The following CHRNA7 variants were observed in gnomAD, a reference collection of about 807,000 sequenced individuals.
CHRNA7 encodes neuronal acetylcholine receptor subunit alpha-7.
CHRNA7 carries 17 observed loss-of-function variants against 48.0 expected under a neutral mutation model. The observed-to-expected ratio is 0.35, with a 90% confidence interval of 0.24 to 0.53. The LOEUF (loss-of-function observed/expected upper bound fraction) is 0.53. CHRNA7 is among the 20% of genes least tolerant of loss of function. The pLI, the probability that CHRNA7 is intolerant of heterozygous loss-of-function variation, is 0.92. For missense variants in CHRNA7, 155 were observed against 577.7 expected (o/e 0.27, Z 7.50); for synonymous variants, 75 against 242.3 (o/e 0.31, Z 6.41).
chr15:32,150,946 A>C (rs2051614055), intron 4 of CHRNA7, among the ~76,000 whole-genome samples: 1 of 151,020 alleles, frequency 6.6e-6, no homozygotes, highest in Admixed American at 6.6e-5. Context: ...TTTGGAAGTA[A>C]GGGGGGGGGA....
chr15:32,044,968 G>A (rs1028503895), intron 2 of CHRNA7, among the ~76,000 whole-genome samples: 1 of 152,146 alleles, frequency 6.6e-6, no homozygotes, highest in Non-Finnish European at 1.5e-5. Flanking sequence ...GTTTTCTGTT[G>A]ACATATATTC....
At chr15:32,137,338 C>A (rs112073908) in intron 4 of CHRNA7, among the ~76,000 whole-genome samples, 5 of 51,360 alleles carry the variant, frequency 9.7e-5, no homozygotes, top group Admixed American at 3.9e-4. Context: ...TTACAACACC[C>A]CCCCCCCACA....
chr15:32,081,424 TA>T (rs2050213717), intron 2 of CHRNA7, among the ~76,000 whole-genome samples: 1 of 152,238 alleles, frequency 6.6e-6, no homozygotes, highest in South Asian at 2.1e-4. Flanking sequence ...TTTTATATTT[TA>T]CCTGCTTTCC....
chr15:32,042,001 T>C lies in CHRNA7; in HGVS notation c.195+10964T>C, dbSNP rs370732519. 6.7e-4 allele frequency among the ~76,000 whole-genome samples: 102 copies of C among 152,382 alleles called. No homozygotes were observed. The South Asian group carries it at 0.02, about 30-fold the overall frequency. ...CCAATACTGCTGCTATGTCTGGTAC[T>C]AATGCATGTTCTGTCTCTTCAAATT... On this transcript the variant is annotated intron_variant, in intron 2 of 9. Coordinates refer to ENST00000306901, the MANE Select transcript of CHRNA7 (RefSeq NM_000746.6).
At position 32,041,205 on chromosome 15, in the gene CHRNA7, T is replaced by A. The variant is rs1213759922; in HGVS notation, c.195+10168T>A. Among the ~76,000 whole-genome samples the A allele has an allele frequency of 3.3e-5, 5 of 152,240 alleles. No individual in the cohort carries two copies. The East Asian group carries it at 9.6e-4, about 29-fold the overall frequency. The stretch of plus-strand genomic sequence containing the variant: ...GGATGTGTGGTTTGGTGTTTGACAC[T>A]AATTTGGGGAAATTCTCAATCATTG... On this transcript the variant is annotated intron_variant, in intron 2 of 9. Transcript: ENST00000306901.
At chr15:32,131,816 A>G (rs2051161809) in intron 4 of CHRNA7, among the ~76,000 whole-genome samples, 1 of 151,898 alleles carries the variant, frequency 6.6e-6, no homozygotes, top group Non-Finnish European at 1.5e-5. Context: ...TTTTCACTAG[A>G]CCTCCTCTGA....
intron 2 of CHRNA7, among the ~76,000 whole-genome samples, chr15:32,043,000 A>G (rs974139162): frequency 2.8e-4 from 43 of 152,356 alleles, no homozygotes; most frequent in African/African-American, 1.0e-3. Context: ...GCATTCTGGC[A>G]GAGTTCATGC....
chr15:32,037,015 G>C (rs1902123584), intron 2 of CHRNA7, among the ~76,000 whole-genome samples: 1 of 152,054 alleles, frequency 6.6e-6, no homozygotes, highest in Non-Finnish European at 1.5e-5. Flanking sequence ...AATATCCAAG[G>C]TCATACAGGT....
chr15:32,040,938 C>G (rs893006918), intron 2 of CHRNA7, among the ~76,000 whole-genome samples: 2 of 151,772 alleles, frequency 1.3e-5, no homozygotes, highest in African/African-American at 2.4e-5. Flanking sequence ...TTCAATAATT[C>G]TAGATTTGTG....
chr15:32,068,339 TACTTTATCAGATTGC>T (rs2049998973), intron 2 of CHRNA7, among the ~76,000 whole-genome samples: 1 of 152,084 alleles, frequency 6.6e-6, no homozygotes, highest in Non-Finnish European at 1.5e-5. Context: ...CTGTAAATTC[TACTTTATCAGATTGC>T]ACATGGAAGT....
At chr15:32,034,522 A>T (rs1387317882) in intron 2 of CHRNA7, among the ~76,000 whole-genome samples, 1 of 152,068 alleles carries the variant, frequency 6.6e-6, no homozygotes, top group Non-Finnish European at 1.5e-5. Context: ...GAGTGTGGGG[A>T]CAGTAAGGTT....
intron 2 of CHRNA7, among the ~76,000 whole-genome samples, chr15:32,084,854 C>T (rs1326466039): frequency 8.3e-5 from 12 of 144,070 alleles, no homozygotes; most frequent in South Asian, 6.5e-4. Context: ...TTTTTTGAGA[C>T]GGAATTCTGC....
At chr15:32,088,720 ATCT>A (rs766688333) in intron 2 of CHRNA7, among the ~76,000 whole-genome samples, 2 of 152,154 alleles carry the variant, frequency 1.3e-5, no homozygotes, top group Non-Finnish European at 2.9e-5. Context: ...TTATCTGTAC[ATCT>A]TCTTTGGTGA....
intron 2 of CHRNA7, among the ~76,000 whole-genome samples, chr15:32,094,723 C>T (rs977819469): frequency 1.3e-5 from 2 of 151,282 alleles, no homozygotes; most frequent in African/African-American, 2.4e-5. Flanking sequence ...TGCAGTGGCA[C>T]GATCTCAGCT....
chr15:32,031,864 G>C (rs908001), intron 2 of CHRNA7, among the ~76,000 whole-genome samples: 1 of 152,196 alleles, frequency 6.6e-6, no homozygotes, highest in African/African-American at 2.4e-5. Flanking sequence ...TTGTCTATAC[G>C]GAGTATCGGA....
chr15:32,051,639 A>G (rs1335078874), intron 2 of CHRNA7, among the ~76,000 whole-genome samples: 1 of 152,142 alleles, frequency 6.6e-6, no homozygotes, highest in Non-Finnish European at 1.5e-5. Flanking sequence ...CGGCTGGTGC[A>G]TGGTGCGCTG....
intron 4 of CHRNA7, among the ~76,000 whole-genome samples, chr15:32,137,023 C>G (rs71476585): frequency 9.1e-6 from 1 of 110,408 alleles, no homozygotes; most frequent in Non-Finnish European, 1.7e-5. Context: ...CAGAGCGAGA[C>G]TCCGTCTCAA....
At chr15:32,036,103 C>T (rs552194017) in intron 2 of CHRNA7, among the ~76,000 whole-genome samples, 1 of 152,344 alleles carries the variant, frequency 6.6e-6, no homozygotes, top group East Asian at 1.9e-4. Flanking sequence ...ACCTTCACCA[C>T]AGCTCTTGGC....
chr15:32,136,487 G>A (rs1243479594), intron 4 of CHRNA7, among the ~76,000 whole-genome samples: 5 of 125,792 alleles, frequency 4.0e-5, no homozygotes, highest in Non-Finnish European at 6.4e-5. Flanking sequence ...GACAGAGCAA[G>A]ACTCCATCTC....
Sources: allele counts gnomAD v4.1 joint callset (sites outside exome capture counted in the v4.1 genomes callset), GRCh38; gene constraint gnomAD v4.1.1; transcripts MANE v1.5; gene names NCBI Gene and HGNC (gene_info 2026-07-23, HGNC 2026-07-21).